The following VPS53 variants were observed in gnomAD, a reference collection of about 807,000 sequenced individuals.
VPS53 encodes vacuolar protein sorting-associated protein 53 homolog.
A neutral mutation model predicts 107.0 loss-of-function variants in VPS53; 70 were observed. The observed-to-expected ratio is 0.65, with a 90% CI of 0.54 to 0.80. VPS53 has a LOEUF of 0.80. Among genes scored for constraint, VPS53 ranks in the 30% least tolerant of loss-of-function variants. The pLI, the probability that VPS53 is intolerant of heterozygous loss-of-function variation, is 0.00. For missense variants in VPS53, 917 were observed against 1,049.4 expected (o/e 0.87, Z 1.74); for synonymous variants, 409 against 393.3 (o/e 1.04, Z -0.47).
At chr17:601,467 A>G (rs1344124954) in intron 12 of VPS53, among the ~76,000 whole-genome samples, 2 of 152,124 alleles carry the variant, frequency 1.3e-5, no homozygotes, top group Non-Finnish European at 2.9e-5. Flanking sequence ...ACTGTACCAG[A>G]TGACAGTCAA....
chr17:713,852 C>A (rs1445998662), intron 1 of VPS53, among the ~76,000 whole-genome samples: 2 of 148,832 alleles, frequency 1.3e-5, no homozygotes, highest in African/African-American at 5.0e-5. Context: ...CCATCCTGGC[C>A]AAAACGGTGA....
chr17:704,877 A>G lies in VPS53; in HGVS notation c.169-5497T>C, dbSNP rs544659632. On this transcript the variant is annotated intron_variant, in intron 2 of 21. Coordinates refer to ENST00000437048, the MANE Select transcript of VPS53 (RefSeq NM_001128159.3). Reference sequence around the variant, plus strand: ...TTGTTTTGGTGAATCAGCAATTACTATCTTTATCCTAGCTATTCCCAAATG... The same window carrying G: ...TTGTTTTGGTGAATCAGCAATTACTGTCTTTATCCTAGCTATTCCCAAATG... Among the ~76,000 whole-genome samples, 33 of 152,340 alleles carry G rather than the reference A, an allele frequency of 2.2e-4. No individual in the cohort carries two copies. The South Asian group carries it at 6.6e-3, about 31-fold the overall frequency.
At chr17:705,533 G>C (rs941100403) in intron 2 of VPS53, 1 of 152,142 alleles carries the variant, frequency 6.6e-6, no homozygotes, top group African/African-American at 2.4e-5. Flanking sequence ...TCAGGAGATC[G>C]AGACCATCCT....
chr17:655,735 G>A (rs1358338095), intron 6 of VPS53, 103 bp downstream of exon 6: 1 of 1,084,796 alleles, frequency 9.2e-7, no homozygotes, highest in Admixed American at 2.7e-5. Flanking sequence ...AGTGGGGCAG[G>A]ATGGTGAGAC....
chr17:560,207 A>C (rs1019437413), intron 15 of VPS53, among the ~76,000 whole-genome samples: 7 of 152,228 alleles, frequency 4.6e-5, no homozygotes, highest in Non-Finnish European at 7.3e-5. Context: ...GTGACCAGTC[A>C]TACTTTCTTG....
chr17:658,059 T>A (rs1289104555), intron 5 of VPS53, among the ~76,000 whole-genome samples: 16 of 28,870 alleles, frequency 5.5e-4, no homozygotes, highest in Non-Finnish European at 1.0e-3. Flanking sequence ...CGGCAGGGAG[T>A]TCGTGGATAG....
intron 6 of VPS53, among the ~76,000 whole-genome samples, chr17:655,092 A>G (rs190750238): frequency 2.0e-5 from 3 of 152,244 alleles, no homozygotes; most frequent in Non-Finnish European, 4.4e-5. Flanking sequence ...CTCAGTTTCT[A>G]TGACGATGCG....
chr17:665,006 G>A (rs545936631), intron 4 of VPS53, among the ~76,000 whole-genome samples: 5 of 152,258 alleles, frequency 3.3e-5, no homozygotes, highest in Admixed American at 6.5e-5. Context: ...TCTGCAATAC[G>A]TTACGGGTGC....
chr17:686,726 A>T (rs1972598996), intron 4 of VPS53, among the ~76,000 whole-genome samples: 1 of 152,250 alleles, frequency 6.6e-6, no homozygotes, highest in African/African-American at 2.4e-5. Context: ...GGAACTCGAC[A>T]AATACCTGGA....
rs548571904 is a variant in VPS53 at position 632,704 on chromosome 17, C to T, written c.609-1076G>A. 392 of 456,288 alleles carry T rather than the reference C, an allele frequency of 8.6e-4. 2 individuals are homozygous for T. The highest frequency in any genetic ancestry group is 3.2e-4 in the Middle Eastern group (1 of 3,098). The allele number at this position is 456,288 out of a possible 1,614,324, so 28.3% of individuals were successfully genotyped here. ...CCTCTGGGACCCAGCGTTCTACTCGCTATCTCCATGAGTTTACTTTGAAAA... is the reference window on the plus strand; with the variant it reads ...CCTCTGGGACCCAGCGTTCTACTCGTTATCTCCATGAGTTTACTTTGAAAA... On this transcript the variant is annotated intron_variant, in intron 7 of 21. Transcript: ENST00000437048.
At chr17:607,817 A>G (rs1349640734) in intron 11 of VPS53, among the ~76,000 whole-genome samples, 1 of 152,196 alleles carries the variant, frequency 6.6e-6, no homozygotes, top group Admixed American at 6.5e-5. Flanking sequence ...GGGGATTCCC[A>G]GCACCTTCAA....
intron 18 of VPS53, among the ~76,000 whole-genome samples, chr17:535,223 AG>A (rs960636389): frequency 2.6e-5 from 4 of 152,142 alleles, no homozygotes; most frequent in Non-Finnish European, 4.4e-5. Context: ...TACAGATGTG[AG>A]GGGGGGCATC....
At chr17:709,059 C>G (rs1372336046) in intron 2 of VPS53, among the ~76,000 whole-genome samples, 2 of 152,156 alleles carry the variant, frequency 1.3e-5, no homozygotes, top group Non-Finnish European at 2.9e-5. Context: ...AGCTTGACTC[C>G]TTCCTGTCCA....
At chr17:642,121 C>G (rs1457936162) in intron 7 of VPS53, among the ~76,000 whole-genome samples, 1 of 152,170 alleles carries the variant, frequency 6.6e-6, no homozygotes, top group Non-Finnish European at 1.5e-5. Flanking sequence ...AGAAAACACC[C>G]CCAACAGTTC....
At chr17:591,332 C>T (rs1013294581) in intron 12 of VPS53, among the ~76,000 whole-genome samples, 12 of 152,118 alleles carry the variant, frequency 7.9e-5, no homozygotes, top group Non-Finnish European at 1.6e-4. Context: ...AAAACCAGCT[C>T]CTGGATTTGT....
Position 520,024 on chromosome 17 carries a change from G to T in VPS53, c.2224-94C>A. On this transcript the variant is annotated intron_variant, in intron 20 of 21. Transcript: ENST00000437048. The surrounding 1 kb of genome is among the most constrained non-coding windows in gnomAD (Gnocchi z 4.4). Reference sequence around the variant, plus strand: ...CCCTCAAGAAAACTCACTACCCACCGCAGGAGGAGACGGGAGCGGGCCCTT... The same window carrying T: ...CCCTCAAGAAAACTCACTACCCACCTCAGGAGGAGACGGGAGCGGGCCCTT... 2.4e-6 allele frequency: 2 copies of T among 832,676 alleles called. No individual in the cohort carries two copies. The highest frequency in any genetic ancestry group is 3.9e-6 in the Non-Finnish European group (2 of 508,608). 51.6% of individuals were successfully genotyped at this position (832,676 alleles called of 1,614,324 possible). A position where few individuals can be genotyped will look rare whatever the true frequency, so the allele number is the denominator to read the frequency against.
At chr17:617,770 A>G (rs557152896) in intron 11 of VPS53, among the ~76,000 whole-genome samples, 24 of 133,186 alleles carry the variant, frequency 1.8e-4, no homozygotes, top group African/African-American at 3.4e-4. Flanking sequence ...CCCCACTAAT[A>G]TTTCCCGGGT....
intron 11 of VPS53, among the ~76,000 whole-genome samples, chr17:612,609 C>T (rs1402163656): frequency 6.7e-6 from 1 of 150,326 alleles, no homozygotes; most frequent in Non-Finnish European, 1.5e-5. Context: ...ACAGTGAAAA[C>T]CTGTACAAAT....
intron 4 of VPS53, among the ~76,000 whole-genome samples, chr17:666,875 T>G (rs573638219): frequency 2.0e-5 from 3 of 152,124 alleles, no homozygotes; most frequent in East Asian, 3.9e-4. Context: ...GCCAAGATGG[T>G]GCCATTGCAC....
Sources: gnomAD v4.1 joint callset for allele counts (sites outside exome capture counted in the v4.1 genomes callset) on GRCh38, gnomAD v4.1.1 for gene constraint, Gnocchi (gnomAD v3.1) non-coding constraint, MANE v1.5 for transcripts, NCBI Gene and HGNC (gene_info 2026-07-23, HGNC 2026-07-21) for gene names.